LYPD6: variants seen among roughly 807,000 people sequenced by gnomAD.
LYPD6 encodes the protein ly6/PLAUR domain-containing protein 6.
A neutral mutation model predicts 22.7 loss-of-function variants in LYPD6; 15 were observed. The ratio of observed to expected loss-of-function variants is 0.66; its 90% CI spans 0.44 to 1.02. The LOEUF (loss-of-function observed/expected upper bound fraction) is 1.02. Ranked by LOEUF, LYPD6 falls within the 50% of genes least tolerant of loss-of-function variation. The pLI is 0.00. For missense variants in LYPD6, 189 were observed against 208.4 expected (o/e 0.91, Z 0.57); for synonymous variants, 72 against 77.5 (o/e 0.93, Z 0.37).
the LYPD6 span, among the ~76,000 whole-genome samples, chr2:149,484,621 A>G: frequency 6.6e-6 from 1 of 152,164 alleles, no homozygotes; most frequent in Admixed American, 6.5e-5. Context: ...TTAGAAATTA[A>G]TGTGTCAAGG....
chr2:149,416,991 C>G (rs1682978466), intron 1 of LYPD6, among the ~76,000 whole-genome samples: 1 of 152,136 alleles, frequency 6.6e-6, no homozygotes, highest in Non-Finnish European at 1.5e-5. Context: ...TACAGGATCT[C>G]GTGCCTATGG....
intron 1 of LYPD6, among the ~76,000 whole-genome samples, chr2:149,344,280 G>A (rs76151042): frequency 0.016 from 2,481 of 152,270 alleles, 78 homozygotes; most frequent in African/African-American, 0.056. Context: ...TTTAAGAGAA[G>A]TGCATGTTGA....
At chr2:149,456,623 G>T (rs1680964690) in intron 3 of LYPD6, among the ~76,000 whole-genome samples, 1 of 152,196 alleles carries the variant, frequency 6.6e-6, no homozygotes, top group Non-Finnish European at 1.5e-5. Flanking sequence ...TATAAGAAGA[G>T]ATTGGAACAC....
chr2:149,397,604 T>G (rs1334693948), intron 1 of LYPD6, among the ~76,000 whole-genome samples: 1 of 152,236 alleles, frequency 6.6e-6, no homozygotes, highest in Non-Finnish European at 1.5e-5. Flanking sequence ...TAGACTAGAA[T>G]CTGGCACTGA....
intron 1 of LYPD6, among the ~76,000 whole-genome samples, chr2:149,355,594 A>G (rs923664767): frequency 6.6e-6 from 1 of 152,172 alleles, no homozygotes; most frequent in East Asian, 1.9e-4. Context: ...ATATGCACAT[A>G]TATCCACATA....
intron 1 of LYPD6, among the ~76,000 whole-genome samples, chr2:149,375,225 C>T (rs1559129249): frequency 1.3e-5 from 2 of 152,104 alleles, no homozygotes; most frequent in African/African-American, 2.4e-5. Flanking sequence ...TTTTCATCAG[C>T]GTAAATGAAC....
At chr2:149,342,008 G>A (rs1220322549) in intron 1 of LYPD6, among the ~76,000 whole-genome samples, 4 of 152,140 alleles carry the variant, frequency 2.6e-5, no homozygotes, top group Non-Finnish European at 5.9e-5. Context: ...GTCCCTGGAT[G>A]TCCAGGAAGA....
chr2:149,346,926 C>T (rs1407581475), intron 1 of LYPD6, among the ~76,000 whole-genome samples: 1 of 152,176 alleles, frequency 6.6e-6, no homozygotes, highest in Non-Finnish European at 1.5e-5. Flanking sequence ...GTCTTGATCT[C>T]TTCACCTTAT....
chr2:149,384,101 C>A (rs748606138), intron 1 of LYPD6, among the ~76,000 whole-genome samples: 3 of 152,072 alleles, frequency 2.0e-5, no homozygotes, highest in Non-Finnish European at 2.9e-5. Context: ...TAGTAGAATC[C>A]CATTAAATAT....
At chr2:149,381,821 A>C (rs964534499) in intron 1 of LYPD6, among the ~76,000 whole-genome samples, 2 of 152,214 alleles carry the variant, frequency 1.3e-5, no homozygotes, top group Admixed American at 6.5e-5. Context: ...GCTTGAAGTC[A>C]AAGTGTGGAT....
chr2:149,352,309 G>A (rs1681373494), intron 1 of LYPD6, among the ~76,000 whole-genome samples: 1 of 152,148 alleles, frequency 6.6e-6, no homozygotes, highest in Non-Finnish European at 1.5e-5. Context: ...GGCAAAACTG[G>A]TGGTATTTCT....
intron 1 of LYPD6, among the ~76,000 whole-genome samples, chr2:149,422,251 T>A (rs1683096806): frequency 1.3e-5 from 2 of 152,126 alleles, no homozygotes; most frequent in South Asian, 4.1e-4. Context: ...ATTTCCCTAT[T>A]TTGCAATTGA....
At chr2:149,415,755 C>T (rs549959026) in intron 1 of LYPD6, among the ~76,000 whole-genome samples, 2 of 152,308 alleles carry the variant, frequency 1.3e-5, no homozygotes, top group Non-Finnish European at 2.9e-5. Flanking sequence ...CAGCGTCAAC[C>T]TCCTGGGCTC....
At chr2:149,378,762 A>G (rs759355002) in intron 1 of LYPD6, among the ~76,000 whole-genome samples, 5 of 152,100 alleles carry the variant, frequency 3.3e-5, no homozygotes, top group Non-Finnish European at 4.4e-5. Flanking sequence ...AACTTCTCTC[A>G]TGAAACCCAC....
chr2:149,335,543 T>C (rs1681018830), intron 1 of LYPD6, among the ~76,000 whole-genome samples: 2 of 152,148 alleles, frequency 1.3e-5, no homozygotes, highest in Admixed American at 1.3e-4. Context: ...TAATTTATCA[T>C]TGAAGAAAGA....
chr2:149,346,235 GTATT>G (rs1681253536), intron 1 of LYPD6, among the ~76,000 whole-genome samples: 1 of 150,668 alleles, frequency 6.6e-6, no homozygotes, highest in South Asian at 2.2e-4. Context: ...ATGTTAATTC[GTATT>G]TAATGTTTGT....
rs557016455 is a variant in LYPD6, at chr2:149,432,829, A to G, written c.-71-4809A>G. Among the ~76,000 whole-genome samples, 5 of 152,316 alleles carry G rather than the reference A, an allele frequency of 3.3e-5. No homozygotes were observed. The South Asian group carries it at 1.0e-3, about 32-fold the overall frequency. On this transcript the variant is annotated intron_variant, in intron 1 of 4. Transcript: ENST00000334166. ...GAACATTCTGTTTCATATTGAATCT[A>G]TTATTTTAGAAGACATGACTATTTT...
At chr2:149,404,862 C>A (rs1682658550) in intron 1 of LYPD6, among the ~76,000 whole-genome samples, 1 of 152,100 alleles carries the variant, frequency 6.6e-6, no homozygotes. Context: ...ATGATATTGG[C>A]TGTGGGTTTG....
At chr2:149,392,060 C>A (rs1682321868) in intron 1 of LYPD6, among the ~76,000 whole-genome samples, 1 of 152,140 alleles carries the variant, frequency 6.6e-6, no homozygotes, top group Non-Finnish European at 1.5e-5. Flanking sequence ...TGGTGAGGAC[C>A]CACCTCCTGG....
Sources: allele counts gnomAD v4.1 joint callset (sites outside exome capture counted in the v4.1 genomes callset), GRCh38; gene constraint gnomAD v4.1.1; transcripts MANE v1.5; gene names NCBI Gene and HGNC (gene_info 2026-07-23, HGNC 2026-07-21).